PRKCA: variants seen among roughly 807,000 people sequenced by gnomAD.
The protein encoded by PRKCA is protein kinase C alpha type.
In PRKCA, 27 loss-of-function variants were observed where a neutral mutation model predicts 87.0. The observed-to-expected ratio is 0.31, with a 90% CI of 0.23 to 0.43. PRKCA has a LOEUF of 0.43. Ranked by LOEUF, PRKCA falls within the 20% of genes least tolerant of loss-of-function variation. The pLI is 1.00. For missense variants in PRKCA, 518 were observed against 852.3 expected (o/e 0.61, Z 4.88); for synonymous variants, 329 against 311.1 (o/e 1.06, Z -0.61).
intron 5 of PRKCA, among the ~76,000 whole-genome samples, chr17:66,650,525 C>T (rs1172423807): frequency 2.0e-5 from 3 of 152,074 alleles, no homozygotes; most frequent in Non-Finnish European, 4.4e-5. Flanking sequence ...AGAGCTGTTT[C>T]AGGAGCACGT....
intron 2 of PRKCA, among the ~76,000 whole-genome samples, chr17:66,361,063 T>C (rs568185654): frequency 3.3e-5 from 5 of 152,244 alleles, no homozygotes; most frequent in African/African-American, 1.2e-4. Context: ...TTGTTTTCAC[T>C]GAAGATTATT....
chr17:66,327,493 G>A (rs62072561), intron 2 of PRKCA, among the ~76,000 whole-genome samples: 24,262 of 151,780 alleles, frequency 0.16, 2,573 homozygotes, highest in Non-Finnish European at 0.24. Context: ...CCGAGATCGC[G>A]CCCCTGTACT....
At chr17:66,334,308 G>T (rs1906528201) in intron 2 of PRKCA, among the ~76,000 whole-genome samples, 1 of 151,698 alleles carries the variant, frequency 6.6e-6, no homozygotes, top group Non-Finnish European at 1.5e-5. Context: ...AAGAAATGAA[G>T]TTACACATGA....
intron 16 of PRKCA, among the ~76,000 whole-genome samples, chr17:66,795,440 T>G (rs1227705411): frequency 6.6e-6 from 1 of 152,240 alleles, no homozygotes; most frequent in African/African-American, 2.4e-5. Flanking sequence ...AGAAGTCACA[T>G]CATGCTGTAT....
At chr17:66,727,902 C>T (rs902353613) in intron 8 of PRKCA, among the ~76,000 whole-genome samples, 1 of 152,146 alleles carries the variant, frequency 6.6e-6, no homozygotes, top group African/African-American at 2.4e-5. Flanking sequence ...CGTCCCCCTG[C>T]CCTCAGGCAT....
intron 3 of PRKCA, among the ~76,000 whole-genome samples, chr17:66,623,481 A>G (rs910947218): frequency 1.4e-4 from 21 of 152,200 alleles, no homozygotes; most frequent in Non-Finnish European, 1.2e-4. Context: ...TTGAGCTCCC[A>G]GGAGATATGC....
intron 14 of PRKCA, among the ~76,000 whole-genome samples, chr17:66,783,750 G>A (rs1427709296): frequency 3.3e-5 from 5 of 152,208 alleles, no homozygotes; most frequent in Non-Finnish European, 7.3e-5. Flanking sequence ...CTCCACCTGT[G>A]TTCCTTAGAG....
chr17:66,330,311 C>T (rs527986758), intron 2 of PRKCA, among the ~76,000 whole-genome samples: 25 of 151,862 alleles, frequency 1.6e-4, no homozygotes, highest in African/African-American at 3.6e-4. Flanking sequence ...TTCGCCATCT[C>T]GGCTAGGTTG....
chr17:66,751,122 G>A (rs186821626), intron 13 of PRKCA, among the ~76,000 whole-genome samples: 3 of 152,278 alleles, frequency 2.0e-5, no homozygotes, highest in East Asian at 1.9e-4. Context: ...AGCTTATTTC[G>A]CCTCTTTCTT....
intron 8 of PRKCA, among the ~76,000 whole-genome samples, chr17:66,712,449 C>T (rs777656268): frequency 1.3e-5 from 2 of 152,084 alleles, no homozygotes; most frequent in Admixed American, 6.5e-5. Context: ...CCCAGCATGT[C>T]GGAAAGCTGG....
At chr17:66,711,604 C>T (rs916012936) in intron 8 of PRKCA, among the ~76,000 whole-genome samples, 2 of 152,152 alleles carry the variant, frequency 1.3e-5, no homozygotes, top group Admixed American at 1.3e-4. Flanking sequence ...GTGCTCTCAG[C>T]GTATTGCCTG....
intron 3 of PRKCA, among the ~76,000 whole-genome samples, chr17:66,556,323 C>CTTTTTT (rs61549626): frequency 8.5e-5 from 11 of 128,970 alleles, no homozygotes; most frequent in East Asian, 2.3e-4. Flanking sequence ...CTTTCTTCTT[C>CTTTTTT]TTTTTTTTTT....
chr17:66,671,254 A>G (rs1972175778), intron 5 of PRKCA, among the ~76,000 whole-genome samples: 1 of 150,778 alleles, frequency 6.6e-6, no homozygotes, highest in Non-Finnish European at 1.5e-5. Flanking sequence ...AAAGCAAGTA[A>G]CTAGGAGACA....
At chr17:66,445,232 T>C (rs1302742101) in intron 2 of PRKCA, among the ~76,000 whole-genome samples, 1 of 151,928 alleles carries the variant, frequency 6.6e-6, no homozygotes, top group Non-Finnish European at 1.5e-5. Flanking sequence ...TTTAATGGAG[T>C]CTCCACTTGA....
chr17:66,735,920 C>CTTTTTTTTTTTTTTT (rs5821508), intron 10 of PRKCA, among the ~76,000 whole-genome samples: 2 of 122,116 alleles, frequency 1.6e-5, no homozygotes, highest in Admixed American at 8.8e-5. Context: ...TTCTTTCTTT[C>CTTTTTTTTTTTTTTT]TTTTTTTTTT....
At chr17:66,443,677 A>G (rs2143887367) in intron 2 of PRKCA, among the ~76,000 whole-genome samples, 1 of 152,306 alleles carries the variant, frequency 6.6e-6, no homozygotes, top group East Asian at 1.9e-4. Context: ...TTGCTACTGA[A>G]TGGTAGTCCT....
At chr17:66,327,871 A>G (rs1240202266) in intron 2 of PRKCA, among the ~76,000 whole-genome samples, 2 of 152,110 alleles carry the variant, frequency 1.3e-5, no homozygotes, top group Non-Finnish European at 2.9e-5. Flanking sequence ...GATGCTGGAG[A>G]TACAAGTGAG....
At chr17:66,710,636 T>C (rs958915866) in intron 8 of PRKCA, among the ~76,000 whole-genome samples, 2 of 151,918 alleles carry the variant, frequency 1.3e-5, no homozygotes, top group Non-Finnish European at 2.9e-5. Context: ...GTCTGTGTGC[T>C]CCCTTCCAAG....
intron 3 of PRKCA, among the ~76,000 whole-genome samples, chr17:66,612,893 A>G (rs1208722852): frequency 1.3e-5 from 2 of 152,176 alleles, no homozygotes; most frequent in South Asian, 4.1e-4. Flanking sequence ...GGGTTTCTCC[A>G]TCACAGATTT....
Sources: allele counts gnomAD v4.1 joint callset (sites outside exome capture counted in the v4.1 genomes callset), GRCh38; gene constraint gnomAD v4.1.1; transcripts MANE v1.5; gene names NCBI Gene and HGNC (gene_info 2026-07-23, HGNC 2026-07-21).